ASIC2: variants seen among roughly 807,000 people sequenced by gnomAD.
ASIC2 encodes the protein acid-sensing ion channel 2.
Under a neutral mutation model 57.3 loss-of-function variants are expected in ASIC2, and 25 were observed. The observed-to-expected ratio is 0.44, with a 90% CI of 0.32 to 0.61. The LOEUF (loss-of-function observed/expected upper bound fraction) is 0.61. ASIC2 is among the 20% of genes least tolerant of loss of function. The pLI is 0.06. For missense variants in ASIC2, 641 were observed against 738.1 expected, an observed-to-expected ratio of 0.87 and a Z score of 1.52; for synonymous variants, 319 against 307.5, an observed-to-expected ratio of 1.04 and a Z score of -0.39.
At chr17:34,042,630 T>C (rs112051226) in intron 1 of ASIC2, among the ~76,000 whole-genome samples, 3 of 152,200 alleles carry the variant, frequency 2.0e-5, no homozygotes, top group Admixed American at 6.5e-5. Context: ...ATTTGTTCTC[T>C]ATCTTGATTG....
intron 1 of ASIC2, among the ~76,000 whole-genome samples, chr17:34,122,995 T>C (rs969995269): frequency 2.0e-5 from 3 of 152,176 alleles, no homozygotes; most frequent in African/African-American, 7.2e-5. Context: ...ATATCTTCAG[T>C]AGGGAAGTCC....
intron 1 of ASIC2, among the ~76,000 whole-genome samples, chr17:33,947,108 C>A (rs2141982596): frequency 6.6e-6 from 1 of 151,254 alleles, no homozygotes; most frequent in African/African-American, 2.4e-5. Flanking sequence ...GATTGTAAAG[C>A]AATTCACAGT....
intron 1 of ASIC2, among the ~76,000 whole-genome samples, chr17:33,132,061 G>T (rs1184525700): frequency 1.3e-5 from 2 of 152,156 alleles, no homozygotes; most frequent in African/African-American, 4.8e-5. Context: ...CCTGGATGCT[G>T]GGCACCATCA....
chr17:33,106,872 T>TG (rs1421255744), intron 2 of ASIC2, among the ~76,000 whole-genome samples: 3 of 152,094 alleles, frequency 2.0e-5, no homozygotes, highest in African/African-American at 7.2e-5. Context: ...AATATGTGTG[T>TG]GGGAAAAATA....
intron 3 of ASIC2, among the ~76,000 whole-genome samples, chr17:33,031,888 A>G (rs1416032442): frequency 6.6e-6 from 1 of 152,224 alleles, no homozygotes; most frequent in Non-Finnish European, 1.5e-5. Flanking sequence ...TTTACTTTGC[A>G]TGATAACAGA....
chr17:33,077,684 C>G (rs540923619), intron 3 of ASIC2, among the ~76,000 whole-genome samples: 2 of 152,040 alleles, frequency 1.3e-5, no homozygotes, highest in East Asian at 1.9e-4. Context: ...CTGTCCAGCC[C>G]GTTTGTCACA....
chr17:33,192,593 G>A (rs115267671), intron 1 of ASIC2, among the ~76,000 whole-genome samples: 2,239 of 152,208 alleles, frequency 0.015, 36 homozygotes, highest in African/African-American at 0.039. Flanking sequence ...ACCTCCTAAC[G>A]TCAGCCATTC....
chr17:33,446,044 G>A (rs1013593998), intron 1 of ASIC2, among the ~76,000 whole-genome samples: 16 of 151,714 alleles, frequency 1.1e-4, no homozygotes, highest in Non-Finnish European at 1.5e-5. Flanking sequence ...ATTTCCATAG[G>A]GACTTTTTTC....
chr17:33,432,941 C>T (rs9709314), intron 1 of ASIC2, among the ~76,000 whole-genome samples: 58,389 of 152,038 alleles, frequency 0.38, 11,648 homozygotes, highest in Non-Finnish European at 0.42. Context: ...GGAACACTTA[C>T]GCACCGTTGG....
chr17:33,913,493 C>A (rs1171286541), intron 1 of ASIC2, among the ~76,000 whole-genome samples: 2 of 152,110 alleles, frequency 1.3e-5, no homozygotes, highest in Non-Finnish European at 2.9e-5. Context: ...GTTGCAAAGA[C>A]CTCCCCTTTA....
chr17:33,623,253 T>A (rs1905862863), intron 1 of ASIC2, among the ~76,000 whole-genome samples: 1 of 149,558 alleles, frequency 6.7e-6, no homozygotes, highest in Non-Finnish European at 1.5e-5. Context: ...TTTGTTTGTT[T>A]GTTTGTTTGT....
rs1904715103 is a variant in ASIC2, at chr17:34,156,217, C to T, written c.316G>A (p.Asp106Asn). 1.2e-6 allele frequency: 2 copies of T among 1,614,102 alleles called. No individual in the cohort carries two copies. The highest frequency in any genetic ancestry group is 2.2e-5 in the East Asian group (1 of 44,844). The stretch of plus-strand genomic sequence containing the variant: ...AGCAGCTCCCCAGCATGGTACAGGT[C>T]ATTGGTGGTGAGCCTGGAGAACCGG... The change falls in exon 1 of 10, where the codon GAC (aspartate) becomes AAC (asparagine). Residue 106 changes from aspartate to asparagine, a missense_variant. By Grantham distance (23) the Asp-to-Asn change is conservative (BLOSUM62 1). Transcript: ENST00000359872. The surrounding 1 kb of genome is among the most constrained non-coding windows in gnomAD (Gnocchi z 4.4).
intron 1 of ASIC2, among the ~76,000 whole-genome samples, chr17:34,076,004 A>ATT (rs202123828): frequency 7.6e-6 from 1 of 131,054 alleles, no homozygotes; most frequent in African/African-American, 2.9e-5. Context: ...ATTATTTTTT[A>ATT]TTTTTATTTT....
intron 1 of ASIC2, among the ~76,000 whole-genome samples, chr17:33,592,259 G>C (rs1054077552): frequency 1.3e-5 from 2 of 152,222 alleles, no homozygotes; most frequent in African/African-American, 4.8e-5. Flanking sequence ...CCCCTGCTCT[G>C]TGTCCCAGTG....
chr17:33,464,697 A>C lies in ASIC2; in HGVS notation c.556-352630T>G, dbSNP rs866287014. Among the ~76,000 whole-genome samples the C allele has an allele frequency of 1.0e-3, 137 of 137,180 alleles. 1 individual carries two copies. Among genetic ancestry groups the C allele is most frequent in the Middle Eastern group, 3.9e-3 (1 of 254 alleles). The allele number at this position is 137,180 out of a possible 152,430, so 90.0% of individuals were successfully genotyped here. On this transcript the variant is annotated intron_variant, in intron 1 of 9. Transcript: ENST00000359872. ...TCTCTCTCTCTCTCTCTATATATAT[A>C]TATATATGTATATATATGTATATAA...
Position 33,015,952 on chromosome 17 carries a change from A to T in ASIC2, c.1590+19T>A, listed in dbSNP as rs776266524. 1.9e-6 allele frequency: 3 copies of T among 1,613,660 alleles called. No individual in the cohort carries two copies. The African/African-American group carries it at 4.0e-5, about 22-fold the overall frequency. ...AGCCAGAGCAGCAGAACAACTTCCA[A>T]TCAGTGAGCTGCTCTTACCACATTC... On this transcript the variant is annotated intron_variant, in intron 9 of 9. Transcript: ENST00000225823.
intron 2 of ASIC2, among the ~76,000 whole-genome samples, chr17:33,100,726 G>A (rs2092208882): frequency 6.6e-6 from 1 of 152,290 alleles, no homozygotes; most frequent in East Asian, 1.9e-4. Context: ...CCCTTCATCT[G>A]TATCACTGAG....
intron 1 of ASIC2, among the ~76,000 whole-genome samples, chr17:33,437,077 G>T (rs1047399197): frequency 2.6e-5 from 4 of 151,206 alleles, no homozygotes; most frequent in African/African-American, 9.7e-5. Context: ...GTGTTAGCCA[G>T]GATGGTCTCG....
At chr17:34,137,476 C>G (rs995594383) in intron 1 of ASIC2, among the ~76,000 whole-genome samples, 2 of 152,158 alleles carry the variant, frequency 1.3e-5, no homozygotes, top group Non-Finnish European at 2.9e-5. Flanking sequence ...TAATTAGTGT[C>G]CCTGTGGAGG....
Sources: allele counts gnomAD v4.1 joint callset (sites outside exome capture counted in the v4.1 genomes callset), GRCh38; gene constraint gnomAD v4.1.1; non-coding constraint Gnocchi (gnomAD v3.1); transcripts MANE v1.5; gene names NCBI Gene and HGNC (gene_info 2026-07-23, HGNC 2026-07-21).